The following COL5A2 variants were observed in gnomAD, a reference collection of about 807,000 sequenced individuals.
The protein encoded by COL5A2 is collagen alpha-2(V) chain.
In COL5A2, 23 loss-of-function variants were observed where a neutral mutation model predicts 208.2. The ratio of observed to expected loss-of-function variants is 0.11; its 90% CI spans 0.08 to 0.16. COL5A2 has a LOEUF of 0.16. Ranked by LOEUF, COL5A2 falls within the 10% of genes least tolerant of loss-of-function variation. The probability of loss-of-function intolerance (pLI) is 1.00; values close to 1 mark genes in which losing one functional copy is unlikely to be tolerated. For synonymous variants in COL5A2, 625 were observed against 628.5 expected, an observed-to-expected ratio of 0.99 and a Z score of 0.08; for missense variants, 1,590 against 1,956.4, an observed-to-expected ratio of 0.81 and a Z score of 3.53.
chr2:189,212,555 C>T (rs1389673050), intron 1 of COL5A2, among the ~76,000 whole-genome samples: 6 of 151,306 alleles, frequency 4.0e-5, no homozygotes, highest in Admixed American at 3.3e-4. Context: ...AGGAGAATTG[C>T]TTGAACCCAG....
the COL5A2 span, among the ~76,000 whole-genome samples, chr2:189,402,072 T>C: frequency 1.3e-5 from 2 of 152,226 alleles, no homozygotes; most frequent in Non-Finnish European, 2.9e-5. Flanking sequence ...TTATTTTAAT[T>C]AGATCCCACA....
chr2:189,350,690 C>T, the COL5A2 span, among the ~76,000 whole-genome samples: 1 of 152,146 alleles, frequency 6.6e-6, no homozygotes, highest in African/African-American at 2.4e-5. Flanking sequence ...AGAATGTTTC[C>T]AGAGTGTAAT....
chr2:189,096,037 T>C (rs570963279), intron 6 of COL5A2: 32 of 152,306 alleles, frequency 2.1e-4, no homozygotes, highest in African/African-American at 7.5e-4. Context: ...GAAAAAGTAC[T>C]GACATCACAC....
At chr2:189,096,446 C>T (rs1686912175) in intron 6 of COL5A2, among the ~76,000 whole-genome samples, 1 of 151,556 alleles carries the variant, frequency 6.6e-6, no homozygotes, top group African/African-American at 2.4e-5. Flanking sequence ...ACGGTGAAAA[C>T]TCGTCTCTAC....
At chr2:189,181,557 G>A (rs1688779387), upstream of COL5A2, among the ~76,000 whole-genome samples, 1 of 152,140 alleles carries the variant, frequency 6.6e-6, no homozygotes, top group Non-Finnish European at 1.5e-5. Flanking sequence ...TCTACCATGA[G>A]GCAATTTTAG....
At chr2:189,371,109 T>C in the COL5A2 span, among the ~76,000 whole-genome samples, 1 of 152,078 alleles carries the variant, frequency 6.6e-6, no homozygotes, top group South Asian at 2.1e-4. Flanking sequence ...CTTCCCCACA[T>C]CTCTTGCTTT....
chr2:189,074,468 A>G (rs780062086), intron 17 of COL5A2, among the ~76,000 whole-genome samples: 40 of 152,252 alleles, frequency 2.6e-4, no homozygotes, highest in Admixed American at 7.8e-4. Context: ...GTACACACTG[A>G]GACCTCATCA....
the COL5A2 span, among the ~76,000 whole-genome samples, chr2:189,239,303 A>T: frequency 1.3e-5 from 2 of 152,040 alleles, no homozygotes; most frequent in Non-Finnish European, 2.9e-5. Flanking sequence ...ATTCCCAGGA[A>T]CCTGTTACCT....
the COL5A2 span, among the ~76,000 whole-genome samples, chr2:189,340,745 G>C: frequency 6.6e-6 from 1 of 152,196 alleles, no homozygotes; most frequent in African/African-American, 2.4e-5. Flanking sequence ...ACCTCTCCTG[G>C]GTTTCTGAAG....
chr2:189,327,964 A>G, the COL5A2 span, among the ~76,000 whole-genome samples: 2 of 152,186 alleles, frequency 1.3e-5, no homozygotes, highest in African/African-American at 4.8e-5. Context: ...GTGATTTAAA[A>G]TTTTGGAATT....
chr2:189,134,607 G>T (rs1194319180), intron 1 of COL5A2, among the ~76,000 whole-genome samples: 3 of 152,166 alleles, frequency 2.0e-5, no homozygotes, highest in Non-Finnish European at 2.9e-5. Flanking sequence ...ATTTTAGAAA[G>T]TACATCATTG....
intron 49 of COL5A2, 33 bp from the exon 50 acceptor site, chr2:189,041,726 A>G (rs1188220874): frequency 7.3e-6 from 11 of 1,498,262 alleles, no homozygotes; most frequent in Non-Finnish European, 1.0e-5. Context: ...TTTAGATTCT[A>G]TGAAGGAAAA....
the COL5A2 span, among the ~76,000 whole-genome samples, chr2:189,379,855 G>C: frequency 6.6e-6 from 1 of 152,128 alleles, no homozygotes; most frequent in East Asian, 1.9e-4. Context: ...AGGTAAATAA[G>C]ATGAGGGTTT....
intron 18 of COL5A2, among the ~76,000 whole-genome samples, chr2:189,070,338 A>G (rs971057818): frequency 6.6e-6 from 1 of 152,184 alleles, no homozygotes; most frequent in African/African-American, 2.4e-5. Flanking sequence ...GTTTCACTTC[A>G]TTGAAATGCA....
intron 13 of COL5A2, among the ~76,000 whole-genome samples, chr2:189,080,524 T>A (rs993118308): frequency 2.6e-5 from 4 of 151,982 alleles, no homozygotes; most frequent in Admixed American, 6.6e-5. Flanking sequence ...ATTCTACATA[T>A]GTAAACAATA....
At chr2:189,415,436 G>A in the COL5A2 span, among the ~76,000 whole-genome samples, 2 of 151,498 alleles carry the variant, frequency 1.3e-5, no homozygotes, top group African/African-American at 2.4e-5. Context: ...TGTGCATTTC[G>A]GGAAAAAAGT....
At chr2:189,246,980 A>G in the COL5A2 span, among the ~76,000 whole-genome samples, 1 of 152,360 alleles carries the variant, frequency 6.6e-6, no homozygotes, top group South Asian at 2.1e-4. Flanking sequence ...TAAAATTTAA[A>G]GAGCTACATC....
At chr2:189,200,182 C>T (rs953823228) in intron 1 of COL5A2, among the ~76,000 whole-genome samples, 1 of 152,090 alleles carries the variant, frequency 6.6e-6, no homozygotes, top group Non-Finnish European at 1.5e-5. Flanking sequence ...ACTTTGATGG[C>T]ATAAATAATA....
chr2:189,043,104 T>C (rs764734902), intron 48 of COL5A2, 47 bp downstream of exon 48: 10 of 1,336,762 alleles, frequency 7.5e-6, no homozygotes, highest in Non-Finnish European at 8.6e-6. Context: ...AAGATACCCG[T>C]GTATTTTCAA....
Sources: allele counts gnomAD v4.1 joint callset (sites outside exome capture counted in the v4.1 genomes callset), GRCh38; gene constraint gnomAD v4.1.1; transcripts MANE v1.5; gene names NCBI Gene and HGNC (gene_info 2026-07-23, HGNC 2026-07-21).